TNFRSF19: variants seen among roughly 807,000 people sequenced by gnomAD.
TNFRSF19 encodes TNF receptor superfamily member 19, also known as tumor necrosis factor receptor superfamily member 19.
A neutral mutation model predicts 46.4 loss-of-function variants in TNFRSF19; 27 were observed. The ratio of observed to expected loss-of-function variants is 0.58; its 90% confidence interval spans 0.43 to 0.80. The LOEUF (loss-of-function observed/expected upper bound fraction) is 0.80, where lower values mean the gene tolerates loss of function less well. TNFRSF19 is among the 30% of genes least tolerant of loss of function. TNFRSF19 has a pLI of 0.00. For missense variants in TNFRSF19, 511 were observed against 530.8 expected (o/e 0.96, Z 0.37); for synonymous variants, 204 against 205.0 (o/e 1.00, Z 0.04).
chr13:23,606,796 A>G (rs974579842), intron 3 of TNFRSF19, among the ~76,000 whole-genome samples: 9 of 152,198 alleles, frequency 5.9e-5, no homozygotes, highest in African/African-American at 2.2e-4. Context: ...AAACATAAAT[A>G]TATTTTTATT....
intron 3 of TNFRSF19, among the ~76,000 whole-genome samples, chr13:23,609,291 C>T (rs908363169): frequency 1.3e-5 from 2 of 152,058 alleles, no homozygotes; most frequent in Admixed American, 6.5e-5. Context: ...TTGTTCTGGG[C>T]GCCCCATAAG....
At chr13:23,624,377 A>G (rs2138282833) in intron 4 of TNFRSF19, among the ~76,000 whole-genome samples, 1 of 151,804 alleles carries the variant, frequency 6.6e-6, no homozygotes, top group Admixed American at 6.6e-5. Flanking sequence ...GAGTAATTTT[A>G]TTAATATCTA....
intron 3 of TNFRSF19, among the ~76,000 whole-genome samples, chr13:23,595,688 A>G (rs1879671141): frequency 6.6e-6 from 1 of 152,226 alleles, no homozygotes; most frequent in Non-Finnish European, 1.5e-5. Flanking sequence ...AACACTCTTC[A>G]GGATATTATC....
chr13:23,597,619 A>G (rs1593243015), intron 3 of TNFRSF19, among the ~76,000 whole-genome samples: 1 of 152,144 alleles, frequency 6.6e-6, no homozygotes, highest in Non-Finnish European at 1.5e-5. Context: ...CCTACCAACC[A>G]AAAAAAGCTC....
intron 3 of TNFRSF19, among the ~76,000 whole-genome samples, chr13:23,608,452 A>G (rs879345365): frequency 6.6e-6 from 1 of 152,244 alleles, no homozygotes; most frequent in Admixed American, 6.5e-5. Flanking sequence ...CATCTTATGG[A>G]CAGGGAAACT....
chr13:23,604,310 G>T (rs1880370364), intron 3 of TNFRSF19, among the ~76,000 whole-genome samples: 1 of 149,178 alleles, frequency 6.7e-6, no homozygotes, highest in South Asian at 2.1e-4. Context: ...ATATGTACAA[G>T]ATCTTTATGA....
At chr13:23,584,261 G>T (rs529347495) in intron 1 of TNFRSF19, among the ~76,000 whole-genome samples, 1 of 151,678 alleles carries the variant, frequency 6.6e-6, no homozygotes, top group African/African-American at 2.4e-5. Context: ...AAAGTCCATT[G>T]TATCATTTTT....
intron 3 of TNFRSF19, among the ~76,000 whole-genome samples, chr13:23,609,550 A>G (rs1208870961): frequency 1.3e-5 from 2 of 152,232 alleles, no homozygotes; most frequent in Non-Finnish European, 2.9e-5. Context: ...GCAGTAAATC[A>G]GGAAACTAGT....
intron 9 of TNFRSF19, chr13:23,669,682 T>C: frequency 1.0e-6 from 1 of 985,130 alleles, no homozygotes; most frequent in Non-Finnish European, 1.2e-6. Context: ...AAGATCAGGT[T>C]TGGGTGGAGC....
intron 3 of TNFRSF19, among the ~76,000 whole-genome samples, chr13:23,601,639 A>G (rs1392980481): frequency 2.6e-5 from 4 of 151,500 alleles, no homozygotes; most frequent in Non-Finnish European, 5.9e-5. Flanking sequence ...AATAATAGAA[A>G]CAATGTATTT....
intron 1 of TNFRSF19, among the ~76,000 whole-genome samples, chr13:23,589,606 A>G (rs180790327): frequency 1.5e-4 from 23 of 152,220 alleles, no homozygotes; most frequent in Non-Finnish European, 2.6e-4. Context: ...CTCACTAGCA[A>G]TGTGACCTTG....
At chr13:23,638,032 T>C (rs1882798358) in intron 5 of TNFRSF19, among the ~76,000 whole-genome samples, 1 of 152,180 alleles carries the variant, frequency 6.6e-6, no homozygotes, top group Non-Finnish European at 1.5e-5. Flanking sequence ...ACACTATTTT[T>C]GAGCTTGCTC....
At chr13:23,655,369 C>T (rs2138377829) in intron 5 of TNFRSF19, among the ~76,000 whole-genome samples, 1 of 152,282 alleles carries the variant, frequency 6.6e-6, no homozygotes, top group South Asian at 2.1e-4. Flanking sequence ...GTAGTGCTAA[C>T]ATTATGGTGG....
intron 5 of TNFRSF19, among the ~76,000 whole-genome samples, chr13:23,627,925 G>T (rs1346567922): frequency 2.0e-5 from 3 of 152,144 alleles, no homozygotes; most frequent in Non-Finnish European, 2.9e-5. Context: ...AGCAAAAGAA[G>T]TTGTAAGATT....
intron 7 of TNFRSF19, among the ~76,000 whole-genome samples, chr13:23,664,509 G>T (rs1165238168): frequency 5.9e-5 from 9 of 152,076 alleles, no homozygotes; most frequent in Non-Finnish European, 1.0e-4. Flanking sequence ...CTACAAGTCT[G>T]TCCCAGTTCC....
chr13:23,646,263 T>C (rs1883326247), intron 5 of TNFRSF19, among the ~76,000 whole-genome samples: 1 of 152,208 alleles, frequency 6.6e-6, no homozygotes, highest in Admixed American at 6.6e-5. Context: ...TTAGCTTTCT[T>C]TTTAATTGTG....
rs368769305 is a variant in TNFRSF19 at position 23,593,327 on chromosome 13, T to G, written c.70-18T>G. On this transcript the variant is annotated intron_variant, in intron 2 of 9. Transcript: ENST00000248484. ...TAACATACTTTAAGATAACATTTTG[T>G]TAAATTTTTTTTTTCAGTCATGTAA... The G allele has an allele frequency of 6.0e-4, 900 of 1,492,826 alleles. 2 individuals carry two copies. The highest frequency in any genetic ancestry group is 6.9e-4 in the Non-Finnish European group (767 of 1,104,554). The allele number at this position is 1,492,826 out of a possible 1,614,324, so 92.5% of individuals were successfully genotyped here.
intron 5 of TNFRSF19, among the ~76,000 whole-genome samples, chr13:23,648,911 T>C (rs1449723670): frequency 1.3e-5 from 2 of 152,242 alleles, no homozygotes; most frequent in Non-Finnish European, 2.9e-5. Flanking sequence ...TACCATTGCC[T>C]TCCTGGGATA....
Position 23,661,998 on chromosome 13 carries a change from T to G in TNFRSF19, c.736+1508T>G, listed in dbSNP as rs1593297695. Among the ~76,000 whole-genome samples the G allele has an allele frequency of 3.3e-5, 5 of 152,370 alleles. No homozygotes were observed. The South Asian group carries it at 1.0e-3, about 32-fold the overall frequency. ...CATTCTGTAGGTTGTCTGTTTACTCTGATGATAGTTTCTTTTGCTATGCAG... is the reference window on the plus strand; with the variant it reads ...CATTCTGTAGGTTGTCTGTTTACTCGGATGATAGTTTCTTTTGCTATGCAG... On this transcript the variant is annotated intron_variant, in intron 7 of 9. Coordinates refer to ENST00000248484, the MANE Select transcript of TNFRSF19 (RefSeq NM_148957.4).
Sources: gnomAD v4.1 joint callset for allele counts (sites outside exome capture counted in the v4.1 genomes callset) on GRCh38, gnomAD v4.1.1 for gene constraint, MANE v1.5 for transcripts, NCBI Gene and HGNC (gene_info 2026-07-23, HGNC 2026-07-21) for gene names.